FHIT: variants seen among roughly 807,000 people sequenced by gnomAD.
FHIT encodes the protein fragile histidine triad diadenosine triphosphatase.
A neutral mutation model predicts 17.9 loss-of-function variants in FHIT; 19 were observed. That is an observed-to-expected ratio of 1.06 (90% CI 0.74 to 1.56). FHIT has a LOEUF of 1.56. FHIT is among the 40% of genes most tolerant of loss of function. FHIT has a pLI of 0.00. For synonymous variants in FHIT, 81 were observed against 69.7 expected, an observed-to-expected ratio of 1.16 and a Z score of -0.81; for missense variants, 248 against 189.2, an observed-to-expected ratio of 1.31 and a Z score of -1.82.
At chr3:60,363,519 G>T (rs148798730) in intron 5 of FHIT, among the ~76,000 whole-genome samples, 1 of 152,040 alleles carries the variant, frequency 6.6e-6, no homozygotes, top group Non-Finnish European at 1.5e-5. Flanking sequence ...GTATACTGCC[G>T]CTATCCCTGT....
intron 7 of FHIT, among the ~76,000 whole-genome samples, chr3:59,997,287 AC>A (rs1382277213): frequency 6.6e-6 from 1 of 152,176 alleles, no homozygotes; most frequent in Admixed American, 6.6e-5. Context: ...TTCAACTTCT[AC>A]AAAGTTTCTA....
At chr3:59,999,799 G>A (rs565410814) in intron 7 of FHIT, among the ~76,000 whole-genome samples, 3 of 152,116 alleles carry the variant, frequency 2.0e-5, no homozygotes, top group South Asian at 4.1e-4. Context: ...GTAGAGACAG[G>A]GTTTCACCAT....
chr3:59,998,460 C>T (rs776418098), intron 7 of FHIT, among the ~76,000 whole-genome samples: 1 of 152,148 alleles, frequency 6.6e-6, no homozygotes, highest in Non-Finnish European at 1.5e-5. Flanking sequence ...TACTATACCA[C>T]TTCCACTGAA....
intron 2 of FHIT, among the ~76,000 whole-genome samples, chr3:61,155,892 C>T (rs544060622): frequency 7.2e-5 from 11 of 152,038 alleles, no homozygotes; most frequent in Non-Finnish European, 1.5e-4. Context: ...GAGTGGCTCA[C>T]TGTGCCCGAA....
intron 5 of FHIT, among the ~76,000 whole-genome samples, chr3:60,390,950 C>G (rs568369708): frequency 1.1e-3 from 171 of 152,118 alleles, no homozygotes; most frequent in African/African-American, 4.0e-3. Flanking sequence ...GAGGCTGAAT[C>G]GGGAGGATCA....
chr3:60,075,432 T>C (rs1438898549), intron 5 of FHIT, among the ~76,000 whole-genome samples: 2 of 152,138 alleles, frequency 1.3e-5, no homozygotes, highest in African/African-American at 4.8e-5. Context: ...CATTGTATCA[T>C]TTAAAAAATA....
In FHIT at chr3:60,696,273, T is replaced by C. The variant is rs571828326; in HGVS notation, c.-18+125646A>G. On this transcript the variant is annotated intron_variant, in intron 4 of 9. Coordinates refer to ENST00000492590, the MANE Select transcript of FHIT (RefSeq NM_002012.4). ...ACCAGATCAGTTTTAAGGTTCCTTC[T>C]AGAAAGGAAGTTCTCCATACGTTGA... Among the ~76,000 whole-genome samples, 49 of 152,278 alleles carry C rather than the reference T, an allele frequency of 3.2e-4. 1 individual carries two copies. Among genetic ancestry groups the C allele is most frequent in the Non-Finnish European group, 5.0e-4 (34 of 68,028 alleles).
chr3:60,451,476 C>G (rs1000223968), intron 5 of FHIT, among the ~76,000 whole-genome samples: 26 of 152,008 alleles, frequency 1.7e-4, no homozygotes, highest in Non-Finnish European at 2.8e-4. Context: ...TACAAGAATT[C>G]CAGAAAACTG....
chr3:61,024,827 A>T (rs1008623062), intron 3 of FHIT, among the ~76,000 whole-genome samples: 2 of 152,142 alleles, frequency 1.3e-5, no homozygotes, highest in Non-Finnish European at 2.9e-5. Flanking sequence ...GTTAGTAACC[A>T]CTAGTTTCTC....
chr3:59,846,074 C>CATTTAAAGTA (rs1701707809), intron 8 of FHIT, among the ~76,000 whole-genome samples: 1 of 151,962 alleles, frequency 6.6e-6, no homozygotes, highest in Non-Finnish European at 1.5e-5. Flanking sequence ...CTGTTTAATC[C>CATTTAAAGTA]ATTTACATTT....
At chr3:59,833,907 C>T (rs1216648730) in intron 8 of FHIT, among the ~76,000 whole-genome samples, 1 of 152,160 alleles carries the variant, frequency 6.6e-6, no homozygotes, top group African/African-American at 2.4e-5. Flanking sequence ...CTCCTGCCAC[C>T]TTGTGAAGAA....
intron 2 of FHIT, among the ~76,000 whole-genome samples, chr3:61,076,224 G>T (rs552083350): frequency 6.6e-6 from 1 of 152,296 alleles, no homozygotes; most frequent in East Asian, 1.9e-4. Context: ...ATGCAGAGGG[G>T]AGACCCTTAA....
chr3:60,555,994 T>C (rs572439137), intron 4 of FHIT, among the ~76,000 whole-genome samples: 2 of 152,352 alleles, frequency 1.3e-5, no homozygotes, highest in South Asian at 2.1e-4. Flanking sequence ...GGCTATTGCC[T>C]TCCTTATAAT....
intron 4 of FHIT, among the ~76,000 whole-genome samples, chr3:60,801,871 T>A (rs781877191): frequency 6.6e-6 from 1 of 152,214 alleles, no homozygotes; most frequent in Non-Finnish European, 1.5e-5. Context: ...CTGAACAACA[T>A]TTTTAATGGC....
chr3:60,367,294 C>T (rs952316295), intron 5 of FHIT, among the ~76,000 whole-genome samples: 3 of 152,196 alleles, frequency 2.0e-5, no homozygotes, highest in African/African-American at 4.8e-5. Context: ...ATTTCTCAAT[C>T]AGGAGCCAAG....
At chr3:60,045,665 T>C (rs939574789) in intron 5 of FHIT, among the ~76,000 whole-genome samples, 16 of 152,164 alleles carry the variant, frequency 1.1e-4, no homozygotes, top group African/African-American at 3.9e-4. Context: ...TACCTTGCTT[T>C]CTCCCCTCCA....
At chr3:59,840,890 T>C (rs1349683713) in intron 8 of FHIT, among the ~76,000 whole-genome samples, 1 of 152,192 alleles carries the variant, frequency 6.6e-6, no homozygotes, top group African/African-American at 2.4e-5. Flanking sequence ...TTGTGAGGTT[T>C]AAATGACATA....
intron 4 of FHIT, among the ~76,000 whole-genome samples, chr3:60,712,260 A>T (rs568971444): frequency 6.6e-6 from 1 of 152,334 alleles, no homozygotes; most frequent in East Asian, 1.9e-4. Flanking sequence ...CTGCCCTAAA[A>T]GAGCTCCTGA....
chr3:61,137,225 T>G (rs1160508453), intron 2 of FHIT, among the ~76,000 whole-genome samples: 1 of 151,414 alleles, frequency 6.6e-6, no homozygotes. Flanking sequence ...TCACACTGAA[T>G]AGTTTGCCTT....
Sources: allele counts gnomAD v4.1 joint callset (sites outside exome capture counted in the v4.1 genomes callset), GRCh38; gene constraint gnomAD v4.1.1; transcripts MANE v1.5; gene names NCBI Gene and HGNC (gene_info 2026-07-23, HGNC 2026-07-21).